The following ATRX variants were observed in gnomAD, a reference collection of about 807,000 sequenced individuals.
ATRX encodes chromatin remodeler ATRX.
Under a neutral mutation model 172.6 loss-of-function variants are expected in ATRX, and 12 were observed. The observed-to-expected ratio is 0.07, with a 90% CI of 0.04 to 0.11. The LOEUF (loss-of-function observed/expected upper bound fraction) is 0.11, where lower values mean the gene tolerates loss of function less well. Ranked by LOEUF, ATRX falls within the 10% of genes least tolerant of loss-of-function variation. The probability of loss-of-function intolerance (pLI) is 1.00; values close to 1 mark genes in which losing one functional copy is unlikely to be tolerated. For synonymous variants in ATRX, 674 were observed against 594.7 expected (o/e 1.13, Z -1.94); for missense variants, 1,368 against 1,767.4 (o/e 0.77, Z 4.05).
chrX:77,568,096 C>T (rs1410895614), intron 28 of ATRX, among the ~76,000 whole-genome samples: 2 of 108,504 alleles, frequency 1.8e-5, no homozygotes, highest in Non-Finnish European at 3.8e-5. Flanking sequence ...GTAATCTAAG[C>T]TTCTACCTCC....
Position 77,508,580 on chromosome X carries a change from T to C in ATRX, c.7250A>G (p.Gln2417Arg). 1 of 1,212,114 alleles carries C rather than the reference T, an allele frequency of 8.3e-7. No individual in the cohort carries two copies. The highest frequency in any genetic ancestry group is 1.1e-6 in the Non-Finnish European group (1 of 895,602). The change falls in exon 35 of 35, where the codon CAG (glutamine) becomes CGG (arginine). Residue 2417 changes from glutamine (Q) to arginine (R), a missense_variant. Physicochemically the swap from Gln to Arg is conservative, Grantham distance 43 (BLOSUM62 1). Transcript: ENST00000373344. Reference protein sequence around the residue: ...RILMNRRLQQQYNQQQQQQMT... With the variant: ...RILMNRRLQQRYNQQQQQQMT... Reference sequence around the variant, plus strand: ...TTGTTGCTGTTGCTGCTGATTGTACTGCTGCTGGAGCCTTCTGTTCATAAG... The same window carrying C: ...TTGTTGCTGTTGCTGCTGATTGTACCGCTGCTGGAGCCTTCTGTTCATAAG...
intron 34 of ATRX, among the ~76,000 whole-genome samples, chrX:77,510,492 G>A (rs1453655854): frequency 9.0e-6 from 1 of 110,997 alleles, no homozygotes; most frequent in Non-Finnish European, 1.9e-5. Flanking sequence ...AGACCCTCGG[G>A]GACCCTAATT....
intron 2 of ATRX, among the ~76,000 whole-genome samples, chrX:77,701,495 A>G (rs1189942711): frequency 4.6e-5 from 5 of 108,896 alleles, no homozygotes; most frequent in Admixed American, 2.0e-4. Context: ...CTGGGCAACA[A>G]GAGCAAAACT....
chrX:77,704,549 C>T (rs1557155818), intron 2 of ATRX, among the ~76,000 whole-genome samples: 3 of 112,202 alleles, frequency 2.7e-5, no homozygotes, highest in African/African-American at 9.7e-5. Flanking sequence ...CTGTCTACCT[C>T]CTGCTGCCAT....
At chrX:77,723,752 T>C (rs1557170800) in intron 1 of ATRX, among the ~76,000 whole-genome samples, 2 of 111,618 alleles carry the variant, frequency 1.8e-5, no homozygotes, top group African/African-American at 6.5e-5. Context: ...GAATAAATAA[T>C]GTCATACTAT....
chrX:77,653,046 C>T (rs1311843719), intron 14 of ATRX, among the ~76,000 whole-genome samples: 2 of 89,474 alleles, frequency 2.2e-5, no homozygotes, highest in Non-Finnish European at 4.6e-5. Flanking sequence ...AAGAAAGAAA[C>T]AAAGGAAGTG....
chrX:77,588,491 G>A (rs1388739899), intron 27 of ATRX, among the ~76,000 whole-genome samples: 2 of 112,023 alleles, frequency 1.8e-5, no homozygotes, highest in African/African-American at 6.5e-5. Flanking sequence ...CAGATGGCCA[G>A]GTATGGTGGC....
At chrX:77,781,397 G>A (rs1270994459) in intron 1 of ATRX, among the ~76,000 whole-genome samples, 2 of 98,592 alleles carry the variant, frequency 2.0e-5, no homozygotes, top group African/African-American at 7.6e-5. Context: ...ACCTGAGATC[G>A]TGCCACTGTA....
chrX:77,691,801 A>G (rs1277176768), intron 6 of ATRX, among the ~76,000 whole-genome samples: 1 of 111,778 alleles, frequency 8.9e-6, no homozygotes, highest in African/African-American at 3.3e-5. Flanking sequence ...CAGATCACCA[A>G]TTTATCTATA....
intron 1 of ATRX, among the ~76,000 whole-genome samples, chrX:77,726,963 T>C (rs1377797222): frequency 9.0e-6 from 1 of 111,070 alleles, no homozygotes; most frequent in Non-Finnish European, 1.9e-5. Flanking sequence ...ATCCAGAATC[T>C]ACAAAGAACT....
intron 30 of ATRX, among the ~76,000 whole-genome samples, chrX:77,532,904 G>T (rs542450676): frequency 2.7e-5 from 3 of 111,816 alleles, no homozygotes; most frequent in African/African-American, 9.7e-5. Context: ...TATTACAAAG[G>T]TATAATATCC....
chrX:77,688,140 T>C (rs190392058), intron 7 of ATRX, among the ~76,000 whole-genome samples: 2 of 110,392 alleles, frequency 1.8e-5, no homozygotes, highest in Non-Finnish European at 3.8e-5. Flanking sequence ...GGTTTCACCA[T>C]GTTAGCCAGG....
At chrX:77,589,283 G>A (rs1557078845) in intron 27 of ATRX, among the ~76,000 whole-genome samples, 2 of 110,804 alleles carry the variant, frequency 1.8e-5, no homozygotes, top group African/African-American at 6.7e-5. Context: ...GGGAGTAATA[G>A]TTAAAGGGTA....
Position 77,505,237 on chromosome X carries a change from A to T in ATRX, c.*3114T>A. 5.7e-6 allele frequency: 1 copy of T among 174,821 alleles called. No individual in the cohort carries two copies. The allele number at this position is 174,821 out of a possible 1,213,427, so 14.4% of individuals were successfully genotyped here. A position where few individuals can be genotyped will look rare whatever the true frequency, so the allele number is the denominator to read the frequency against. ...CTGGGACAGAATGTAACTGCTCTTA[A>T]AGTTTTGTTTGGGGCACATAAATAT... On this transcript the variant is annotated 3_prime_UTR_variant, in exon 35 of 35. Transcript: ENST00000373344.
chrX:77,710,933 AACACACACAC>A (rs145847838), intron 2 of ATRX, among the ~76,000 whole-genome samples: 8 of 97,907 alleles, frequency 8.2e-5, no homozygotes, highest in South Asian at 4.9e-4. Context: ...ATAGAACTTT[AACACACACAC>A]ACACACACAC....
chrX:77,608,314 A>T (rs781959185), intron 22 of ATRX, among the ~76,000 whole-genome samples: 5 of 104,319 alleles, frequency 4.8e-5, no homozygotes, highest in Non-Finnish European at 9.8e-5. Context: ...GCTTGCAGTG[A>T]GCCGAGATTG....
chrX:77,511,385 C>A (rs1557036456), intron 34 of ATRX, among the ~76,000 whole-genome samples: 1 of 111,398 alleles, frequency 9.0e-6, no homozygotes, highest in Non-Finnish European at 1.9e-5. Flanking sequence ...AAATACCTAA[C>A]TCTTCAATGC....
rs1464989038 is a variant in ATRX at position 77,593,552 on chromosome X, G to T, written c.6110+144C>A. The T allele has an allele frequency of 1.1e-5, 6 of 567,914 alleles. No individual in the cohort carries two copies. The African/African-American group carries it at 1.2e-4, about 11-fold the overall frequency. The allele number at this position is 567,914 out of a possible 1,213,427, so 46.8% of individuals were successfully genotyped here. On this transcript the variant is annotated intron_variant, in intron 26 of 34. Transcript: ENST00000373344. Reference sequence around the variant, plus strand: ...TGGCTTACAAAAAAGATAGTTGCTTGTATTGGCCTAGCACTACAATGACCA... The same window carrying T: ...TGGCTTACAAAAAAGATAGTTGCTTTTATTGGCCTAGCACTACAATGACCA...
chrX:77,514,076 G>C (rs1385064057), intron 34 of ATRX, among the ~76,000 whole-genome samples: 4 of 111,237 alleles, frequency 3.6e-5, no homozygotes, highest in Non-Finnish European at 7.5e-5. Flanking sequence ...TCTACAATGA[G>C]AACTCCAAAA....
Sources: allele counts gnomAD v4.1 joint callset (sites outside exome capture counted in the v4.1 genomes callset), GRCh38; gene constraint gnomAD v4.1.1; transcripts MANE v1.5; gene names NCBI Gene and HGNC (gene_info 2026-07-23, HGNC 2026-07-21).